Variants in GALNS observed in about 807,000 individuals in gnomAD.
GALNS encodes the protein galactosamine (N-acetyl)-6-sulfatase.
A neutral mutation model predicts 65.9 loss-of-function variants in GALNS; 65 were observed. That is an observed-to-expected ratio of 0.99 (90% CI 0.81 to 1.21). The LOEUF (loss-of-function observed/expected upper bound fraction) is 1.21. Among genes scored for constraint, GALNS ranks in the 50% most tolerant of loss-of-function variants. The probability of loss-of-function intolerance (pLI) is 0.00; values close to 1 mark genes in which losing one functional copy is unlikely to be tolerated. For synonymous variants in GALNS, 346 were observed against 288.9 expected, an observed-to-expected ratio of 1.20 and a Z score of -2.00; for missense variants, 776 against 700.7, an observed-to-expected ratio of 1.11 and a Z score of -1.21.
At chr16:88,817,442 C>A (rs779720524) in intron 13 of GALNS, 1 of 985,394 alleles carries the variant, frequency 1.0e-6, no homozygotes, top group Non-Finnish European at 1.2e-6. Context: ...AGGTCTGATG[C>A]GAAGGTCTCT....
chr16:88,837,477 A>T (rs1912257145), intron 5 of GALNS, 145 bp downstream of exon 5: 1 of 806,078 alleles, frequency 1.2e-6, no homozygotes, highest in South Asian at 1.6e-5. Flanking sequence ...AAGCCACCAA[A>T]CCAAAGCCCT....
intron 10 of GALNS, 119 bp downstream of exon 10, chr16:88,826,583 C>T (rs1275481004): frequency 3.3e-5 from 41 of 1,257,412 alleles, no homozygotes; most frequent in Middle Eastern, 2.1e-4. Flanking sequence ...GCCCTGGGCA[C>T]GAGCACGCCT....
In GALNS at chr16:88,835,779, G is replaced by T. The variant is rs398123440; in HGVS notation, c.704C>A (p.Thr235Lys). Reference sequence around the variant, plus strand: ...TTTGGAGGCATAGACGGGTGCGTGCGTGGCGTCGACAGCCCAGTAGAGGAA... The same window carrying T: ...TTTGGAGGCATAGACGGGTGCGTGCTTGGCGTCGACAGCCCAGTAGAGGAA... Reference protein sequence around the residue: ...PFFLYWAVDATHAPVYASKPF... With the variant: ...PFFLYWAVDAKHAPVYASKPF... The change falls in exon 7 of 14, where the codon ACG becomes AAG. Residue 235 changes from threonine to lysine, a missense_variant. Transcript: ENST00000268695. 1.9e-6 allele frequency: 3 copies of T among 1,614,146 alleles called. No homozygotes were observed. The highest frequency in any genetic ancestry group is 2.5e-6 in the Non-Finnish European group (3 of 1,180,018).
chr16:88,855,403 GA>G lies in GALNS; in HGVS notation c.120+1354del, dbSNP rs1284072430. On this transcript the variant is annotated intron_variant, in intron 1 of 13. Transcript: ENST00000268695. ...AGAGGAACTTCAAAAGTGAAAGGAT[GA>G]AATTCTGAAGCAAAGTATCTTTAGG... 4 of 702,764 alleles carry G rather than the reference GA, an allele frequency of 5.7e-6. No homozygotes were observed. In the African/African-American group the frequency reaches 7.0e-5, roughly 12 times the overall value. 43.5% of individuals were successfully genotyped at this position (702,764 alleles called of 1,614,324 possible). A position where few individuals can be genotyped will look rare whatever the true frequency, so the allele number is the denominator to read the frequency against.
chr16:88,851,517 A>C (rs1967507621), intron 1 of GALNS, among the ~76,000 whole-genome samples: 1 of 152,106 alleles, frequency 6.6e-6, no homozygotes, highest in Non-Finnish European at 1.5e-5. Context: ...TTGGACAGTG[A>C]GTGCAGCCCA....
At chr16:88,856,427 C>G (rs1030942306) in intron 1 of GALNS, 1 of 700,830 alleles carries the variant, frequency 1.4e-6, no homozygotes, top group African/African-American at 1.7e-5. Context: ...GGAGGCAGGG[C>G]CCGGTAGCAC....
Position 88,846,778 on chromosome 16 carries a change from G to A in GALNS, c.121-3949C>T, listed in dbSNP as rs371912966. ...GGCTGGTCTCGAACTCCTGACCTCC[G>A]GTGATCTGCCTGCCTTGGCCTCCCA... On this transcript the variant is annotated intron_variant, in intron 1 of 13. Coordinates refer to ENST00000268695, the MANE Select transcript of GALNS (RefSeq NM_000512.5). Among the ~76,000 whole-genome samples, 113 of 152,046 alleles carry A rather than the reference G, an allele frequency of 7.4e-4. No individual in the cohort carries two copies. The South Asian group carries it at 0.011, about 15-fold the overall frequency.
At chr16:88,856,389 G>C (rs1477826857) in intron 1 of GALNS, 1 of 701,640 alleles carries the variant, frequency 1.4e-6, no homozygotes, top group Non-Finnish European at 2.6e-6. Flanking sequence ...CCTTTCCCAA[G>C]AGTAGAGGGC....
At chr16:88,851,785 G>A (rs557075757) in intron 1 of GALNS, among the ~76,000 whole-genome samples, 25 of 152,350 alleles carry the variant, frequency 1.6e-4, no homozygotes, top group Admixed American at 9.8e-4. Context: ...ATCCACCTGC[G>A]AGGTGGCAGC....
At chr16:88,832,938 G>A (rs545741379) in intron 8 of GALNS, among the ~76,000 whole-genome samples, 6 of 151,964 alleles carry the variant, frequency 3.9e-5, no homozygotes, top group African/African-American at 1.4e-4. Context: ...AATTAGCTGG[G>A]TGTGGCGGCA....
At chr16:88,854,096 T>G (rs1206910547) in intron 1 of GALNS, among the ~76,000 whole-genome samples, 3 of 152,206 alleles carry the variant, frequency 2.0e-5, no homozygotes, top group Non-Finnish European at 4.4e-5. Flanking sequence ...GAGACTGGGC[T>G]GGAGGCAGCC....
intron 13 of GALNS, chr16:88,817,416 G>A (rs888022467): frequency 5.1e-6 from 5 of 985,470 alleles, no homozygotes; most frequent in Non-Finnish European, 4.8e-6. Flanking sequence ...CTGGGTGGGT[G>A]CCTATGAGTG....
intron 5 of GALNS, among the ~76,000 whole-genome samples, chr16:88,837,038 T>C (rs1912212670): frequency 6.6e-6 from 1 of 152,248 alleles, no homozygotes; most frequent in Non-Finnish European, 1.5e-5. Context: ...GGCAGCAAGC[T>C]GGTGCTGCTT....
chr16:88,847,083 G>C (rs1967279476), intron 1 of GALNS, among the ~76,000 whole-genome samples: 1 of 152,182 alleles, frequency 6.6e-6, no homozygotes, highest in Non-Finnish European at 1.5e-5. Context: ...CAGGAGGAAC[G>C]CAAACAGCTC....
chr16:88,853,285 G>GC (rs1567546209), intron 1 of GALNS, among the ~76,000 whole-genome samples: 1 of 138,086 alleles, frequency 7.2e-6, no homozygotes, highest in Non-Finnish European at 1.6e-5. Context: ...AGGCCTAAAA[G>GC]CCCCCAAATG....
chr16:88,852,742 C>T (rs1967563970), intron 1 of GALNS, among the ~76,000 whole-genome samples: 1 of 152,148 alleles, frequency 6.6e-6, no homozygotes, highest in South Asian at 2.1e-4. Flanking sequence ...GACGCATGCA[C>T]AAGCTTCAGT....
At chr16:88,845,790 G>A (rs1456406294) in intron 1 of GALNS, among the ~76,000 whole-genome samples, 2 of 149,800 alleles carry the variant, frequency 1.3e-5, no homozygotes, top group African/African-American at 2.5e-5. Flanking sequence ...CCAGGAGTTC[G>A]AGACCAGCCT....
At chr16:88,821,911 C>A (rs904225806) in intron 12 of GALNS, among the ~76,000 whole-genome samples, 7 of 152,112 alleles carry the variant, frequency 4.6e-5, no homozygotes, top group Non-Finnish European at 7.4e-5. Flanking sequence ...AGGCCAGGAG[C>A]AGGAATTGGG....
At chr16:88,842,013 G>A (rs1302556553) in intron 2 of GALNS, 42 bp from the exon 3 acceptor site, 1 of 1,561,714 alleles carries the variant, frequency 6.4e-7, no homozygotes, top group Non-Finnish European at 8.8e-7. Context: ...TAAGAAGGGT[G>A]TGGCTCAGAC....
Sources: allele counts gnomAD v4.1 joint callset (sites outside exome capture counted in the v4.1 genomes callset), GRCh38; gene constraint gnomAD v4.1.1; transcripts MANE v1.5; gene names NCBI Gene and HGNC (gene_info 2026-07-23, HGNC 2026-07-21).